Variants in GNG2 observed in about 807,000 individuals in gnomAD.
GNG2 encodes G protein subunit gamma 2.
Under a neutral mutation model 5.5 loss-of-function variants are expected in GNG2, and 5 were observed. The observed-to-expected ratio is 0.91, with a 90% CI of 0.48 to 1.92. The LOEUF (loss-of-function observed/expected upper bound fraction) is 1.92. Among genes scored for constraint, GNG2 ranks in the 30% most tolerant of loss-of-function variants. The pLI, the probability that GNG2 is intolerant of heterozygous loss-of-function variation, is 0.01. For missense variants in GNG2, 55 were observed against 88.4 expected (o/e 0.62, Z 1.52); for synonymous variants, 28 against 32.0 (o/e 0.88, Z 0.42).
At chr14:51,828,839 G>T (rs1298018656) in intron 2 of GNG2, among the ~76,000 whole-genome samples, 1 of 152,008 alleles carries the variant, frequency 6.6e-6, no homozygotes, top group East Asian at 1.9e-4. Context: ...ACACCCCAGG[G>T]GCTCAGGGCT....
At chr14:51,878,493 A>G (rs2357247) in intron 2 of GNG2, among the ~76,000 whole-genome samples, 45,765 of 151,930 alleles carry the variant, frequency 0.3, 7,823 homozygotes, top group Non-Finnish European at 0.39. Context: ...TGGGCTTTTA[A>G]TTGTTTATTT....
At chr14:51,896,726 A>AAGTGAAAATAAGGAAT (rs1324525620) in intron 2 of GNG2, among the ~76,000 whole-genome samples, 1 of 152,202 alleles carries the variant, frequency 6.6e-6, no homozygotes, top group Non-Finnish European at 1.5e-5. Flanking sequence ...GGCATTTATA[A>AAGTGAAAATAAGGAAT]AGTGAAAATA....
intron 2 of GNG2, among the ~76,000 whole-genome samples, chr14:51,905,551 A>G (rs981616403): frequency 1.3e-5 from 2 of 152,210 alleles, no homozygotes; most frequent in African/African-American, 4.8e-5. Context: ...CACCTTAGTT[A>G]CCTTTACTCT....
intron 2 of GNG2, among the ~76,000 whole-genome samples, chr14:51,947,690 C>T (rs77401683): frequency 0.032 from 4,855 of 152,226 alleles, 184 homozygotes; most frequent in East Asian, 0.14. Context: ...GTTTAAGCCC[C>T]TAAACTTGTA....
At chr14:51,954,190 G>A (rs1889144069) in intron 3 of GNG2, among the ~76,000 whole-genome samples, 1 of 152,068 alleles carries the variant, frequency 6.6e-6, no homozygotes, top group Non-Finnish European at 1.5e-5. Context: ...GGGAGATTTG[G>A]GCTAAGTGAA....
chr14:51,959,137 G>A (rs1372007754), intron 3 of GNG2, among the ~76,000 whole-genome samples: 3 of 151,986 alleles, frequency 2.0e-5, no homozygotes, highest in Non-Finnish European at 1.5e-5. Context: ...TTACATTCAA[G>A]GGTCCTAGGG....
In GNG2 at chr14:51,942,597, T is replaced by TC. The variant is rs1566703421; in HGVS notation, c.-29-8053_-29-8052insC. The stretch of plus-strand genomic sequence containing the variant: ...TCTTTCTTTCTTTCTTTCTTTTTTT[T>TC]TTTTTTTTTAGAGACAGGGACTCAC... On this transcript the variant is annotated intron_variant, in intron 2 of 3. Transcript: ENST00000556766. Among the ~76,000 whole-genome samples the TC allele has an allele frequency of 4.4e-4, 4 of 9,028 alleles. No individual in the cohort carries two copies. The East Asian group carries it at 5.0e-3, about 11-fold the overall frequency. 5.9% of individuals were successfully genotyped at this position (9,028 alleles called of 152,430 possible).
intron 1 of GNG2, among the ~76,000 whole-genome samples, chr14:51,866,497 T>C (rs1176645167): frequency 6.6e-6 from 1 of 152,208 alleles, no homozygotes; most frequent in Non-Finnish European, 1.5e-5. Context: ...TCCCCACGTC[T>C]TCCTTTATTT....
chr14:51,834,966 A>C (rs34648376), intron 2 of GNG2, among the ~76,000 whole-genome samples: 39,695 of 152,210 alleles, frequency 0.26, 6,376 homozygotes, highest in Non-Finnish European at 0.36. Context: ...TCAGTGCTAA[A>C]AGAGCCGAGG....
rs573526197 is a variant in GNG2, at chr14:51,827,427, C to T, written c.-76-241C>T. 3.3e-5 allele frequency among the ~76,000 whole-genome samples: 5 copies of T among 152,302 alleles called. No individual in the cohort carries two copies. In the East Asian group the frequency reaches 5.8e-4, roughly 18 times the overall value. ...GGATTCCGCAATCTGCCTTAACAAG[C>T]CTTCCAGGTGATCCTGATACCTGCT... On this transcript the variant is annotated intron_variant, in intron 1 of 3. Coordinates refer to the GNG2 transcript ENST00000553432.
intron 2 of GNG2, among the ~76,000 whole-genome samples, chr14:51,937,768 AAAT>A (rs1398097729): frequency 6.6e-6 from 1 of 152,134 alleles, no homozygotes; most frequent in African/African-American, 2.4e-5. Context: ...GTGAATTGGG[AAAT>A]AATATTTTTT....
At chr14:51,873,427 C>T (rs1377630125) in intron 1 of GNG2, among the ~76,000 whole-genome samples, 4 of 152,236 alleles carry the variant, frequency 2.6e-5, no homozygotes, top group African/African-American at 9.6e-5. Flanking sequence ...AGAGCTTTGA[C>T]TATTAGCTTC....
In GNG2 at chr14:51,827,140, CA is replaced by C. The variant is rs201960555; in HGVS notation, c.-76-525del. Among the ~76,000 whole-genome samples the C allele has an allele frequency of 4.8e-3, 735 of 152,248 alleles. 9 individuals carry two copies. The highest frequency in any genetic ancestry group is 0.017 in the African/African-American group (705 of 41,538). On this transcript the variant is annotated intron_variant, in intron 1 of 3. Coordinates refer to the GNG2 transcript ENST00000553432. Reference sequence around the variant, plus strand: ...TAATCTGGGGATCTTTTAAAAGTTCCAAAGCCCAAGCCACATCCCAGGTGAA... The same window carrying C: ...TAATCTGGGGATCTTTTAAAAGTTCCAAGCCCAAGCCACATCCCAGGTGAA...
At chr14:51,828,054 G>A (rs914133749) in intron 2 of GNG2, among the ~76,000 whole-genome samples, 2 of 152,224 alleles carry the variant, frequency 1.3e-5, no homozygotes, top group South Asian at 2.1e-4. Flanking sequence ...TTCTCGGGAT[G>A]AGAGGCCTCG....
chr14:51,937,067 T>G (rs1476034624), intron 2 of GNG2, among the ~76,000 whole-genome samples: 3 of 152,182 alleles, frequency 2.0e-5, no homozygotes, highest in Admixed American at 2.0e-4. Context: ...GGTGAGCAAG[T>G]AAAAGGAAAG....
At chr14:51,922,892 G>A (rs1887098310) in intron 2 of GNG2, among the ~76,000 whole-genome samples, 1 of 152,266 alleles carries the variant, frequency 6.6e-6, no homozygotes, top group East Asian at 1.9e-4. Flanking sequence ...CAGGGTGGGG[G>A]CAGAGGAGAA....
intron 2 of GNG2, among the ~76,000 whole-genome samples, chr14:51,919,655 T>C (rs571490863): frequency 6.6e-6 from 1 of 152,366 alleles, no homozygotes; most frequent in Non-Finnish European, 1.5e-5. Flanking sequence ...AAGGTAGATT[T>C]GTAAGGCAGC....
At chr14:51,908,548 ATC>A (rs1886084856) in intron 2 of GNG2, among the ~76,000 whole-genome samples, 1 of 151,558 alleles carries the variant, frequency 6.6e-6, no homozygotes, top group African/African-American at 2.4e-5. Flanking sequence ...CTATCTATCT[ATC>A]TATCTATCTA....
At position 51,850,678 on chromosome 14, in the gene GNG2, G is replaced by A. The variant is rs1004681908; in HGVS notation, c.64+22871G>A. On this transcript the variant is annotated intron_variant, in intron 2 of 3. Transcript: ENST00000553432. Reference sequence around the variant, plus strand: ...GGCTCTCCATTCTGCAGTCTGAACAGGAAGCATGGTGCTGACATCTGCTCA... The same window carrying A: ...GGCTCTCCATTCTGCAGTCTGAACAAGAAGCATGGTGCTGACATCTGCTCA... 5.3e-5 allele frequency among the ~76,000 whole-genome samples: 8 copies of A among 152,338 alleles called. No individual in the cohort carries two copies. In the South Asian group the frequency reaches 1.4e-3, roughly 28 times the overall value.
Sources: gnomAD v4.1 joint callset for allele counts (sites outside exome capture counted in the v4.1 genomes callset) on GRCh38, gnomAD v4.1.1 for gene constraint, MANE v1.5 for transcripts, NCBI Gene and HGNC (gene_info 2026-07-23, HGNC 2026-07-21) for gene names.